The following SCMH1 variants were observed in gnomAD, a reference collection of about 807,000 sequenced individuals.
SCMH1 encodes the protein polycomb protein SCMH1.
Under a neutral mutation model 70.8 loss-of-function variants are expected in SCMH1, and 37 were observed. That is an observed-to-expected ratio of 0.52 (90% CI 0.40 to 0.69). The LOEUF is 0.69. Ranked by LOEUF, SCMH1 falls within the 30% of genes least tolerant of loss-of-function variation. The probability of loss-of-function intolerance (pLI) is 0.00; values close to 1 mark genes in which losing one functional copy is unlikely to be tolerated. For synonymous variants in SCMH1, 292 were observed against 307.4 expected (o/e 0.95, Z 0.52); for missense variants, 607 against 827.3 (o/e 0.73, Z 3.27).
chr1:41,241,442 C>A (rs1008757039), intron 1 of SCMH1, among the ~76,000 whole-genome samples: 3 of 152,042 alleles, frequency 2.0e-5, no homozygotes, highest in African/African-American at 4.8e-5. Flanking sequence ...GTCGGCCAGC[C>A]GGGGCCCAGC....
At chr1:41,090,474 G>A (rs1265750090) in intron 8 of SCMH1, among the ~76,000 whole-genome samples, 2 of 151,932 alleles carry the variant, frequency 1.3e-5, no homozygotes, top group Non-Finnish European at 2.9e-5. Context: ...GCTGGAAAAG[G>A]GAGGAGTACT....
intron 6 of SCMH1, among the ~76,000 whole-genome samples, chr1:41,134,406 T>C (rs947574387): frequency 1.3e-5 from 2 of 152,128 alleles, no homozygotes; most frequent in African/African-American, 4.8e-5. Context: ...CCACTCCTAT[T>C]CAACGTAGTA....
intron 8 of SCMH1, among the ~76,000 whole-genome samples, chr1:41,087,717 TG>T (rs954571742): frequency 5.9e-5 from 9 of 152,250 alleles, no homozygotes; most frequent in African/African-American, 1.9e-4. Flanking sequence ...GAATGAAAAC[TG>T]GTAGCATCTC....
At chr1:41,072,384 G>T (rs1331141837) in intron 9 of SCMH1, among the ~76,000 whole-genome samples, 1 of 152,194 alleles carries the variant, frequency 6.6e-6, no homozygotes, top group Non-Finnish European at 1.5e-5. Flanking sequence ...ATAGGTACAT[G>T]TACAATATTA....
At chr1:41,057,584 C>T (rs886394321) in intron 10 of SCMH1, among the ~76,000 whole-genome samples, 3 of 151,934 alleles carry the variant, frequency 2.0e-5, no homozygotes, top group African/African-American at 4.8e-5. Flanking sequence ...ACATCATGTC[C>T]AGTTATCACA....
rs981365771 is a variant in SCMH1, at chr1:41,114,870, G to A, written c.502-1344C>T. On this transcript the variant is annotated intron_variant, in intron 7 of 14. Coordinates refer to ENST00000337495, the Ensembl canonical transcript of SCMH1. ...TTTTGTTATTTTTTGTAGAGATGGGGTTTTACCATGTTGCCCAAGCTGGTC... is the reference window on the plus strand; with the variant it reads ...TTTTGTTATTTTTTGTAGAGATGGGATTTTACCATGTTGCCCAAGCTGGTC... Among the ~76,000 whole-genome samples the A allele has an allele frequency of 3.3e-5, 5 of 151,864 alleles. No homozygotes were observed. In the East Asian group the frequency reaches 9.7e-4, roughly 29 times the overall value.
At chr1:41,074,080 T>A (rs1246649862) in intron 9 of SCMH1, among the ~76,000 whole-genome samples, 7 of 151,734 alleles carry the variant, frequency 4.6e-5, no homozygotes, top group Admixed American at 3.3e-4. Flanking sequence ...GTCTTTTTTT[T>A]TTTTTTTTTT....
chr1:41,157,191 A>G (rs1288564415), intron 4 of SCMH1, among the ~76,000 whole-genome samples: 1 of 152,130 alleles, frequency 6.6e-6, no homozygotes, highest in Admixed American at 6.5e-5. Flanking sequence ...TACCGAAAGT[A>G]CACAGGTGTG....
intron 8 of SCMH1, among the ~76,000 whole-genome samples, chr1:41,077,042 C>T (rs1012316077): frequency 1.3e-5 from 2 of 151,950 alleles, no homozygotes; most frequent in Admixed American, 6.6e-5. Flanking sequence ...ATAATACTTC[C>T]TAGGCCTCCA....
At chr1:41,107,443 T>G (rs1429345809) in intron 8 of SCMH1, among the ~76,000 whole-genome samples, 3 of 151,932 alleles carry the variant, frequency 2.0e-5, no homozygotes, top group African/African-American at 7.3e-5. Flanking sequence ...GGTGACCTCA[T>G]GTTGAGACCT....
intron 2 of SCMH1, 144 bp downstream of exon 2, chr1:41,185,977 T>G: frequency 1.3e-6 from 1 of 782,296 alleles, no homozygotes; most frequent in East Asian, 3.3e-5. Flanking sequence ...TCTGGAAAAT[T>G]CATGCCAATG....
intron 8 of SCMH1, among the ~76,000 whole-genome samples, chr1:41,097,890 G>C (rs1665519240): frequency 1.3e-5 from 2 of 152,122 alleles, no homozygotes; most frequent in Admixed American, 1.3e-4. Context: ...TTCAGAATAA[G>C]CCGTGCTATT....
intron 1 of SCMH1, among the ~76,000 whole-genome samples, chr1:41,212,356 G>A (rs2148804502): frequency 6.6e-6 from 1 of 152,192 alleles, no homozygotes; most frequent in East Asian, 1.9e-4. Context: ...GCTTTTCAAA[G>A]ATTTTTCTGA....
chr1:41,058,375 C>CTTTTTTTT (rs1252087982), intron 10 of SCMH1, among the ~76,000 whole-genome samples: 4 of 38,994 alleles, frequency 1.0e-4, no homozygotes, highest in African/African-American at 3.0e-4. Context: ...CATTTTCTTT[C>CTTTTTTTT]TTGTTTTTTT....
At chr1:41,224,436 T>C (rs1325474140) in intron 1 of SCMH1, among the ~76,000 whole-genome samples, 1 of 152,160 alleles carries the variant, frequency 6.6e-6, no homozygotes, top group Non-Finnish European at 1.5e-5. Flanking sequence ...TAGCATAGAG[T>C]TAAGCATACA....
intron 5 of SCMH1, among the ~76,000 whole-genome samples, chr1:41,145,313 C>T (rs958717830): frequency 2.0e-5 from 3 of 152,010 alleles, no homozygotes; most frequent in Non-Finnish European, 4.4e-5. Context: ...GTACCTGCAC[C>T]AGTTGTTGAA....
chr1:41,230,921 A>C (rs1168274568), intron 1 of SCMH1, among the ~76,000 whole-genome samples: 1 of 152,204 alleles, frequency 6.6e-6, no homozygotes, highest in African/African-American at 2.4e-5. Context: ...TTGCTGCTAC[A>C]AACGAAGTTA....
At chr1:41,048,819 C>T (rs1489668702) in exon 11 of SCMH1, 1 of 1,614,188 alleles carries the variant, frequency 6.2e-7, no homozygotes, top group Admixed American at 1.7e-5. Flanking sequence ...CCAAAATGGT[C>T]AGGGAGTTGC....
chr1:41,222,165 A>C (rs554540109), intron 1 of SCMH1, among the ~76,000 whole-genome samples: 3 of 152,014 alleles, frequency 2.0e-5, no homozygotes, highest in African/African-American at 7.2e-5. Context: ...AAGGGAAGGA[A>C]GGGAAAGAAG....
Sources: allele counts gnomAD v4.1 joint callset (sites outside exome capture counted in the v4.1 genomes callset), GRCh38; gene constraint gnomAD v4.1.1; transcripts MANE v1.5; gene names NCBI Gene and HGNC (gene_info 2026-07-23, HGNC 2026-07-21).